The following PFKFB3 variants were observed in gnomAD, a reference collection of about 807,000 sequenced individuals.
The protein encoded by PFKFB3 is 6-phosphofructo-2-kinase/fructose-2,6-biphosphatase 3, also known as 6-phosphofructo-2-kinase/fructose-2,6-bisphosphatase 3.
PFKFB3 carries 33 observed loss-of-function variants against 68.0 expected under a neutral mutation model. The ratio of observed to expected loss-of-function variants is 0.49; its 90% CI spans 0.37 to 0.65. The LOEUF is 0.65. Among genes scored for constraint, PFKFB3 ranks in the 30% least tolerant of loss-of-function variants. The pLI, the probability that PFKFB3 is intolerant of heterozygous loss-of-function variation, is 0.00. For missense variants in PFKFB3, 586 were observed against 712.2 expected, an observed-to-expected ratio of 0.82 and a Z score of 2.02; for synonymous variants, 315 against 288.2, an observed-to-expected ratio of 1.09 and a Z score of -0.94.
rs1554842894 is a variant in PFKFB3 at position 6,177,389 on chromosome 10, T to TTTCTTTCTTTC, written c.16+32379_16+32389dup. 9.2e-3 allele frequency among the ~76,000 whole-genome samples: 1,138 copies of TTTCTTTCTTTC among 123,062 alleles called. 24 individuals are homozygous for TTTCTTTCTTTC. The highest frequency in any genetic ancestry group is 0.014 in the South Asian group (46 of 3,242). The allele number at this position is 123,062 out of a possible 152,430, so 80.7% of individuals were successfully genotyped here. A position where few individuals can be genotyped will look rare whatever the true frequency, so the allele number is the denominator to read the frequency against. ...CTTTCTTTCTTTCTTTCTTTCTTTC[T>TTTCTTTCTTTC]TTCTTTCTTTCTTTCTTTCTTCTTT... is the stretch of plus-strand genomic sequence containing the variant. On this transcript the variant is annotated intron_variant, in intron 1 of 14. Coordinates refer to the PFKFB3 transcript ENST00000379789.
At chr10:6,213,424 G>A (rs1314162122) in intron 1 of PFKFB3, among the ~76,000 whole-genome samples, 199 bp from the exon 2 acceptor site, 1 of 152,198 alleles carries the variant, frequency 6.6e-6, no homozygotes. Flanking sequence ...GGAGGCTAAG[G>A]CCGGAGGATT....
the PFKFB3 span, among the ~76,000 whole-genome samples, chr10:6,322,355 C>T: frequency 6.6e-6 from 1 of 152,198 alleles, no homozygotes; most frequent in South Asian, 2.1e-4. Flanking sequence ...CCACTTTTCA[C>T]CTCTGTCACC....
At chr10:6,145,816 G>C (rs1588370054) in intron 1 of PFKFB3, among the ~76,000 whole-genome samples, 1 of 149,760 alleles carries the variant, frequency 6.7e-6, no homozygotes, top group African/African-American at 2.5e-5. Flanking sequence ...CGCCCTGCGT[G>C]CCAGAAAGGC....
rs1588531592 is a variant in PFKFB3 at position 6,226,475 on chromosome 10, G to A, written c.1515+110G>A. On this transcript the variant is annotated intron_variant, in intron 14 of 14. Coordinates refer to ENST00000379775, the MANE Select transcript of PFKFB3 (RefSeq NM_004566.4). ...TGCAAGAATACGTGCGTGGGTGCGT[G>A]TGGGTGCGCGTGCGTATGTTGTAGG... The A allele has an allele frequency of 8.1e-6, 8 of 985,740 alleles. No individual in the cohort carries two copies. The East Asian group carries it at 2.1e-4, about 26-fold the overall frequency. The allele number at this position is 985,740 out of a possible 1,614,324, so 61.1% of individuals were successfully genotyped here. A position where few individuals can be genotyped will look rare whatever the true frequency, so the allele number is the denominator to read the frequency against.
rs144270326 is a variant in PFKFB3 at position 6,215,454 on chromosome 10, C to CGGGGCTGT, written c.299+140_299+141insGCTGTGGG. The CGGGGCTGT allele has an allele frequency of 4.1e-3, 2,797 of 677,942 alleles. 14 individuals are homozygous for CGGGGCTGT. The highest frequency in any genetic ancestry group is 9.7e-3 in the Middle Eastern group (25 of 2,588). 42.0% of individuals were successfully genotyped at this position (677,942 alleles called of 1,614,324 possible). On this transcript the variant is annotated intron_variant, in intron 3 of 14. Transcript: ENST00000379775. The surrounding 1 kb of genome is among the most constrained non-coding windows in gnomAD (Gnocchi z 4.3). ...GGAATAAGGCTGGGCTGCGGGGCTG[C>CGGGGCTGT]GGGTGTAAGGCTGGGCTGCGGGCTT...
At chr10:6,213,188 G>C (rs1844343257) in intron 1 of PFKFB3, among the ~76,000 whole-genome samples, 1 of 152,128 alleles carries the variant, frequency 6.6e-6, no homozygotes, top group Non-Finnish European at 1.5e-5. Context: ...AGGGTTGCCT[G>C]GTCCCACTGT....
intron 1 of PFKFB3, among the ~76,000 whole-genome samples, chr10:6,193,335 A>G (rs201430101): frequency 6.6e-6 from 1 of 152,246 alleles, no homozygotes; most frequent in African/African-American, 2.4e-5. Flanking sequence ...AGTCTGGGCA[A>G]CAGAGCCAGA....
chr10:6,309,840 A>G, the PFKFB3 span, among the ~76,000 whole-genome samples: 2 of 152,128 alleles, frequency 1.3e-5, no homozygotes, highest in Non-Finnish European at 2.9e-5. Flanking sequence ...CCAGCTCATG[A>G]TACTGTGCTG....
chr10:6,213,978 GC>G (rs34000061), intron 2 of PFKFB3, among the ~76,000 whole-genome samples: 54,439 of 151,796 alleles, frequency 0.36, 11,611 homozygotes, highest in African/African-American at 0.6. Flanking sequence ...TCTAAGTCCT[GC>G]CCCGACTCAG....
At chr10:6,218,831 G>A (rs368425524) in intron 6 of PFKFB3, among the ~76,000 whole-genome samples, 13 of 152,172 alleles carry the variant, frequency 8.5e-5, no homozygotes, top group African/African-American at 2.7e-4. Context: ...CATCTTCCCC[G>A]GCTGAAACTG....
At chr10:6,168,763 GT>G (rs74450970) in intron 1 of PFKFB3, among the ~76,000 whole-genome samples, 1,645 of 152,310 alleles carry the variant, frequency 0.011, 68 homozygotes, top group East Asian at 0.099. Context: ...TTGCAGGTCT[GT>G]TTGAGCCCTT....
chr10:6,214,582 T>C, intron 2 of PFKFB3, among the ~76,000 whole-genome samples: 1 of 152,146 alleles, frequency 6.6e-6, no homozygotes, highest in Non-Finnish European at 1.5e-5. Flanking sequence ...CCTGAGTATA[T>C]TGCATATTGA....
At chr10:6,246,696 A>C (rs2132078216) in intron 14 of PFKFB3, among the ~76,000 whole-genome samples, 1 of 151,864 alleles carries the variant, frequency 6.6e-6, no homozygotes, top group South Asian at 2.1e-4. Context: ...TTTGGAGGGG[A>C]GATGTGCAGG....
In PFKFB3 at chr10:6,224,192, C is replaced by T; in HGVS notation, c.1320C>T (p.Cys440=). The T allele has an allele frequency of 6.2e-7, 1 of 1,614,174 alleles. No homozygotes were observed. Among genetic ancestry groups the T allele is most frequent in the Non-Finnish European group, 8.5e-7 (1 of 1,180,016 alleles). ...ESIYLNVESV[C]THRERSEDAK... ...TCTACCTGAACGTGGAGTCCGTCTGCACACACCGGGAGAGGTCAGAGGTGA... is the reference window on the plus strand; with the variant it reads ...TCTACCTGAACGTGGAGTCCGTCTGTACACACCGGGAGAGGTCAGAGGTGA... Residue 440 remains cysteine, a synonymous_variant, in exon 13 of 15, where the codon TGC becomes TGT. Transcript: ENST00000379775.
chr10:6,194,876 T>TC (rs1843133763), intron 1 of PFKFB3, among the ~76,000 whole-genome samples: 1 of 135,122 alleles, frequency 7.4e-6, no homozygotes, highest in Admixed American at 7.7e-5. Flanking sequence ...TTTTCTTTTT[T>TC]CTTTTTTTTT....
chr10:6,161,625 C>CAT (rs532650394), intron 1 of PFKFB3, among the ~76,000 whole-genome samples: 42 of 82,226 alleles, frequency 5.1e-4, no homozygotes, highest in Non-Finnish European at 8.2e-4. Context: ...CACACACACA[C>CAT]ATATATATAT....
At chr10:6,168,720 C>G (rs987877653) in intron 1 of PFKFB3, among the ~76,000 whole-genome samples, 1 of 152,208 alleles carries the variant, frequency 6.6e-6, no homozygotes, top group Non-Finnish European at 1.5e-5. Flanking sequence ...GTGGTCTGCA[C>G]AGCAGCTGCC....
intron 1 of PFKFB3, among the ~76,000 whole-genome samples, chr10:6,194,033 T>C (rs1331732192): frequency 6.6e-6 from 1 of 152,192 alleles, no homozygotes; most frequent in Non-Finnish European, 1.5e-5. Flanking sequence ...TTTCTATTAA[T>C]ATTTGTATTT....
At chr10:6,290,447 C>T in the PFKFB3 span, among the ~76,000 whole-genome samples, 3 of 151,214 alleles carry the variant, frequency 2.0e-5, no homozygotes. Context: ...GCCTTTTCTG[C>T]ATCTATTGAG....
Sources: allele counts gnomAD v4.1 joint callset (sites outside exome capture counted in the v4.1 genomes callset), GRCh38; gene constraint gnomAD v4.1.1; non-coding constraint Gnocchi (gnomAD v3.1); transcripts MANE v1.5; gene names NCBI Gene and HGNC (gene_info 2026-07-23, HGNC 2026-07-21).